Variants in CACNA2D3 observed in about 807,000 individuals in gnomAD.
CACNA2D3 encodes the protein voltage-dependent calcium channel subunit alpha-2/delta-3.
In CACNA2D3, 60 loss-of-function variants were observed where a neutral mutation model predicts 160.6. The ratio of observed to expected loss-of-function variants is 0.37; its 90% confidence interval spans 0.30 to 0.46. The LOEUF (loss-of-function observed/expected upper bound fraction) is 0.46, where lower values mean the gene tolerates loss of function less well. Ranked by LOEUF, CACNA2D3 falls within the 20% of genes least tolerant of loss-of-function variation. CACNA2D3 has a pLI of 1.00. For missense variants in CACNA2D3, 1,205 were observed against 1,365.0 expected (o/e 0.88, Z 1.85); for synonymous variants, 558 against 492.9 (o/e 1.13, Z -1.75).
At chr3:54,338,812 G>A (rs1441337979) in intron 3 of CACNA2D3, among the ~76,000 whole-genome samples, 1 of 152,062 alleles carries the variant, frequency 6.6e-6, no homozygotes, top group Admixed American at 6.6e-5. Flanking sequence ...TGGCTCGTGG[G>A]GCTTGAGGAA....
In CACNA2D3 at chr3:55,006,169, A is replaced by C. The variant is rs113649748; in HGVS notation, c.2766+1331A>C. ...AAGGTTCCCAAGATATATTTTCACCATTAGATTTAAAAGCTCAGTGGCTTT... is the reference window on the plus strand; with the variant it reads ...AAGGTTCCCAAGATATATTTTCACCCTTAGATTTAAAAGCTCAGTGGCTTT... On this transcript the variant is annotated intron_variant, in intron 32 of 37. Coordinates refer to ENST00000474759, the MANE Select transcript of CACNA2D3 (RefSeq NM_018398.3). 4.5e-3 allele frequency among the ~76,000 whole-genome samples: 684 copies of C among 152,356 alleles called. 6 individuals are homozygous for C. Among genetic ancestry groups the C allele is most frequent in the African/African-American group, 0.016 (657 of 41,568 alleles).
intron 27 of CACNA2D3, among the ~76,000 whole-genome samples, chr3:54,919,558 G>A (rs1700776185): frequency 6.6e-6 from 1 of 152,140 alleles, no homozygotes; most frequent in African/African-American, 2.4e-5. Context: ...TCCATTACCT[G>A]TAAGGTGATT....
At chr3:54,997,775 AAAG>A (rs1449247090) in intron 31 of CACNA2D3, among the ~76,000 whole-genome samples, 1 of 152,168 alleles carries the variant, frequency 6.6e-6, no homozygotes, top group Non-Finnish European at 1.5e-5. Flanking sequence ...AGGTGATTCC[AAAG>A]GGCAGCCAAC....
chr3:54,246,904 A>G (rs1292402951), intron 2 of CACNA2D3, among the ~76,000 whole-genome samples: 1 of 152,214 alleles, frequency 6.6e-6, no homozygotes, highest in Non-Finnish European at 1.5e-5. Context: ...AAGGTGTATA[A>G]AGGATGGAGG....
intron 2 of CACNA2D3, among the ~76,000 whole-genome samples, chr3:54,299,531 A>G (rs578147939): frequency 1.3e-5 from 2 of 152,202 alleles, no homozygotes; most frequent in Admixed American, 1.3e-4. Context: ...TTTATGAAAG[A>G]TGAATGGATT....
At chr3:54,812,323 A>T (rs375248084) in intron 13 of CACNA2D3, among the ~76,000 whole-genome samples, 11 of 152,354 alleles carry the variant, frequency 7.2e-5, no homozygotes, top group African/African-American at 2.4e-4. Context: ...TACCAATTGC[A>T]GGTATGTGGT....
chr3:54,849,385 C>T (rs1442256094), intron 17 of CACNA2D3, among the ~76,000 whole-genome samples: 1 of 152,218 alleles, frequency 6.6e-6, no homozygotes. Flanking sequence ...TTTCCCCCTC[C>T]TCCTTCCTTA....
intron 3 of CACNA2D3, 55 bp downstream of exon 3, chr3:54,320,613 G>T (rs1490238572): frequency 2.3e-6 from 2 of 882,158 alleles, no homozygotes; most frequent in Non-Finnish European, 1.7e-6. Context: ...GGCAGCTTCA[G>T]GGGATGGCAT....
At chr3:54,452,736 A>T (rs1216760963) in intron 4 of CACNA2D3, among the ~76,000 whole-genome samples, 1 of 152,178 alleles carries the variant, frequency 6.6e-6, no homozygotes, top group African/African-American at 2.4e-5. Context: ...AATTTATTTC[A>T]TGGTTCTGGA....
intron 27 of CACNA2D3, among the ~76,000 whole-genome samples, chr3:54,912,900 G>C (rs1575366701): frequency 6.6e-6 from 1 of 152,016 alleles, no homozygotes; most frequent in African/African-American, 2.4e-5. Flanking sequence ...CTCAATGGGA[G>C]GTATTGTAGA....
intron 35 of CACNA2D3, among the ~76,000 whole-genome samples, chr3:55,068,268 A>C (rs1485705196): frequency 6.6e-6 from 1 of 152,222 alleles, no homozygotes; most frequent in Admixed American, 6.5e-5. Flanking sequence ...GTTGCCAGTG[A>C]GTTAATTTAA....
At chr3:54,490,955 C>T (rs1701099708) in intron 4 of CACNA2D3, among the ~76,000 whole-genome samples, 1 of 152,158 alleles carries the variant, frequency 6.6e-6, no homozygotes, top group Non-Finnish European at 1.5e-5. Context: ...GGGCATACAA[C>T]TGTGAAGGAG....
At chr3:54,932,060 T>C (rs533878267) in intron 27 of CACNA2D3, among the ~76,000 whole-genome samples, 1 of 152,122 alleles carries the variant, frequency 6.6e-6, no homozygotes, top group Admixed American at 6.5e-5. Context: ...TGAGCGCCTA[T>C]AGTCTGAGCT....
At chr3:54,608,583 C>T (rs1382001128) in intron 9 of CACNA2D3, among the ~76,000 whole-genome samples, 1 of 151,564 alleles carries the variant, frequency 6.6e-6, no homozygotes, top group Non-Finnish European at 1.5e-5. Context: ...GGTTTTTCCT[C>T]CCTTGCCAAG....
intron 5 of CACNA2D3, among the ~76,000 whole-genome samples, chr3:54,525,401 C>G (rs1701709703): frequency 6.6e-6 from 1 of 152,080 alleles, no homozygotes; most frequent in Non-Finnish European, 1.5e-5. Context: ...GTTACATATT[C>G]ACCTTTTTGG....
At chr3:54,573,876 C>T (rs1187201573) in intron 8 of CACNA2D3, among the ~76,000 whole-genome samples, 2 of 152,216 alleles carry the variant, frequency 1.3e-5, no homozygotes, top group East Asian at 3.9e-4. Flanking sequence ...TTTTTTCCTC[C>T]ATCACCTCCT....
chr3:54,837,986 T>TA (rs1165783634), intron 15 of CACNA2D3, among the ~76,000 whole-genome samples: 7 of 152,116 alleles, frequency 4.6e-5, no homozygotes, highest in Non-Finnish European at 8.8e-5. Context: ...CATAAAGCCT[T>TA]AAAAAAATGG....
chr3:54,770,868 A>G (rs1702307842), intron 13 of CACNA2D3, among the ~76,000 whole-genome samples: 1 of 152,228 alleles, frequency 6.6e-6, no homozygotes, highest in South Asian at 2.1e-4. Context: ...TGAATCTGTA[A>G]ATGAATGCTT....
In CACNA2D3 at chr3:54,951,216, A is replaced by G. The variant is rs145717080; in HGVS notation, c.2450-17234A>G. On this transcript the variant is annotated intron_variant, in intron 27 of 37. Coordinates refer to ENST00000474759, the MANE Select transcript of CACNA2D3 (RefSeq NM_018398.3). ...TAAAGTAGCTAGATGCTTGTGCTGC[A>G]CTTTGGTGCAAAATCTGTCAATGCA... is the stretch of plus-strand genomic sequence containing the variant. Among the ~76,000 whole-genome samples, 195 of 152,326 alleles carry G rather than the reference A, an allele frequency of 1.3e-3. 1 individual carries two copies. Among genetic ancestry groups the G allele is most frequent in the African/African-American group, 4.1e-3 (170 of 41,574 alleles).
Sources: allele counts gnomAD v4.1 joint callset (sites outside exome capture counted in the v4.1 genomes callset), GRCh38; gene constraint gnomAD v4.1.1; transcripts MANE v1.5; gene names NCBI Gene and HGNC (gene_info 2026-07-23, HGNC 2026-07-21).